TNIK: variants seen among roughly 807,000 people sequenced by gnomAD.
TNIK encodes the protein TRAF2 and NCK interacting kinase.
Under a neutral mutation model 191.3 loss-of-function variants are expected in TNIK, and 49 were observed. The ratio of observed to expected loss-of-function variants is 0.26; its 90% confidence interval spans 0.20 to 0.32. TNIK has a LOEUF of 0.32. Among genes scored for constraint, TNIK ranks in the 10% least tolerant of loss-of-function variants. TNIK has a pLI of 1.00. For missense variants in TNIK, 1,155 were observed against 1,702.3 expected (o/e 0.68, Z 5.66); for synonymous variants, 594 against 600.9 (o/e 0.99, Z 0.17).
chr3:171,174,607 T>C (rs1316118716), intron 9 of TNIK, among the ~76,000 whole-genome samples: 2 of 121,002 alleles, frequency 1.7e-5, no homozygotes, highest in Non-Finnish European at 1.6e-5. Context: ...GTCAGTCATA[T>C]CCTATCAACA....
intron 2 of TNIK, among the ~76,000 whole-genome samples, chr3:171,359,129 G>A (rs751904616): frequency 1.3e-5 from 2 of 152,088 alleles, no homozygotes; most frequent in African/African-American, 2.4e-5. Flanking sequence ...CTGTATGTAC[G>A]TTCTACGATA....
intron 19 of TNIK, among the ~76,000 whole-genome samples, chr3:171,109,379 G>A (rs2108497957): frequency 6.6e-6 from 1 of 152,330 alleles, no homozygotes; most frequent in Non-Finnish European, 1.5e-5. Flanking sequence ...AAGACATACA[G>A]TAGATACTTC....
intron 8 of TNIK, among the ~76,000 whole-genome samples, chr3:171,177,114 T>G (rs1008411987): frequency 6.6e-6 from 1 of 151,850 alleles, no homozygotes. Flanking sequence ...TCTTCCTTTT[T>G]TTTTTTTCTA....
At chr3:171,275,714 G>T (rs1252799869) in intron 2 of TNIK, among the ~76,000 whole-genome samples, 2 of 151,894 alleles carry the variant, frequency 1.3e-5, no homozygotes, top group African/African-American at 4.8e-5. Context: ...GGCTAACATG[G>T]TGAAACCCCG....
chr3:171,126,267 T>A, intron 16 of TNIK, 116 bp from the exon 17 acceptor site: 1 of 1,313,750 alleles, frequency 7.6e-7, no homozygotes, highest in Non-Finnish European at 9.9e-7. Context: ...AATTGGACTA[T>A]AGAGAGTCTA....
chr3:171,116,025 G>C lies in TNIK; in HGVS notation c.2121-5148C>G, dbSNP rs554936560. On this transcript the variant is annotated intron_variant, in intron 18 of 32. Coordinates refer to ENST00000436636, the MANE Select transcript of TNIK (RefSeq NM_015028.4). ...CTCCTCACCAGAGCTAACCAGTGTG[G>C]GTGCTGATCTTAATAGGTTGCTATT... is the stretch of plus-strand genomic sequence containing the variant. Among the ~76,000 whole-genome samples, 3 of 152,292 alleles carry C rather than the reference G, an allele frequency of 2.0e-5. No homozygotes were observed. In the East Asian group the frequency reaches 5.8e-4, roughly 29 times the overall value.
At chr3:171,362,183 T>C (rs903042883) in intron 2 of TNIK, among the ~76,000 whole-genome samples, 4 of 152,216 alleles carry the variant, frequency 2.6e-5, no homozygotes, top group African/African-American at 9.6e-5. Context: ...CTGTTTCCTC[T>C]ATTAACCTAT....
chr3:171,112,653 G>A (rs1560130442), intron 18 of TNIK, among the ~76,000 whole-genome samples: 1 of 151,514 alleles, frequency 6.6e-6, no homozygotes. Flanking sequence ...TTTTTCTTTT[G>A]TATCTATCTA....
intron 18 of TNIK, among the ~76,000 whole-genome samples, chr3:171,116,480 T>C (rs1458468112): frequency 6.6e-6 from 1 of 152,252 alleles, no homozygotes; most frequent in East Asian, 1.9e-4. Flanking sequence ...TTCATTTGAA[T>C]CATAAAAAGT....
At chr3:171,346,682 T>G (rs1712252559) in intron 2 of TNIK, among the ~76,000 whole-genome samples, 1 of 151,850 alleles carries the variant, frequency 6.6e-6, no homozygotes, top group Non-Finnish European at 1.5e-5. Flanking sequence ...AGAACAGTTT[T>G]GTGAGAAAGT....
Position 171,177,278 on chromosome 3 carries a change from C to T in TNIK, c.694+48G>A, listed in dbSNP as rs1560220264. ...GCTCCTGGCAAGGAAACTTCAGTAC[C>T]TGCAGAGCAGACCAGCAACAGATTT... On this transcript the variant is annotated intron_variant, in intron 8 of 32. Transcript: ENST00000436636. 4.4e-6 allele frequency: 7 copies of T among 1,579,382 alleles called. No individual in the cohort carries two copies. The East Asian group carries it at 1.6e-4, about 36-fold the overall frequency.
chr3:171,190,776 G>C lies in TNIK; in HGVS notation c.429C>G (p.His143Gln). ...ICREILRGLS[H>Q]LHQHKVIHRD... Reference sequence around the variant, plus strand: ...GATGAATCACTTTATGCTGGTGCAGGTGACTCAGCCCCTGGAGTGATGGAG... The same window carrying C: ...GATGAATCACTTTATGCTGGTGCAGCTGACTCAGCCCCTGGAGTGATGGAG... The change falls in exon 6 of 33, where the codon CAC becomes CAG. Residue 143 changes from histidine to glutamine, a missense_variant. His to Gln is a conservative substitution (Grantham distance 24). Around this residue, in one of 3 missense-constraint regions of TNIK, gnomAD observed 225 missense variants for 438.9 expected, o/e 0.51. Transcript: ENST00000436636. 2 of 1,592,188 alleles carry C rather than the reference G, an allele frequency of 1.3e-6. No individual in the cohort carries two copies. The highest frequency in any genetic ancestry group is 1.7e-6 in the Non-Finnish European group (2 of 1,168,026).
intron 12 of TNIK, among the ~76,000 whole-genome samples, chr3:171,156,666 G>T (rs1733219765): frequency 6.6e-6 from 1 of 152,224 alleles, no homozygotes; most frequent in South Asian, 2.1e-4. Flanking sequence ...ACCACAAGGT[G>T]AGAGTCTGGC....
At chr3:171,357,162 A>G (rs1469516047) in intron 2 of TNIK, among the ~76,000 whole-genome samples, 1 of 152,210 alleles carries the variant, frequency 6.6e-6, no homozygotes, top group African/African-American at 2.4e-5. Flanking sequence ...CTTATCAGGT[A>G]TCAAACTGCT....
intron 32 of TNIK, 56 bp downstream of exon 32, chr3:171,066,131 G>A: frequency 6.3e-7 from 1 of 1,597,738 alleles, no homozygotes. Flanking sequence ...GGTTTCACAG[G>A]TACCTGGTGG....
At position 171,143,323 on chromosome 3, in the gene TNIK, T is replaced by TA. The variant is rs748033337; in HGVS notation, c.1222-2815dup. On this transcript the variant is annotated intron_variant, in intron 12 of 32. Coordinates refer to ENST00000436636, the MANE Select transcript of TNIK (RefSeq NM_015028.4). ...ATGGAGCCGTATGAGGGAGGGGATA[T>TA]AAAAAAAACATATCAATGCAAGACC... 7.9e-5 allele frequency among the ~76,000 whole-genome samples: 12 copies of TA among 152,064 alleles called. No homozygotes were observed. In the East Asian group the frequency reaches 9.7e-4, roughly 12 times the overall value.
In TNIK at chr3:171,075,958, A is replaced by G. The variant is rs534183569; in HGVS notation, c.3448+3560T>C. ...TCACTATGTTGGCCAGGCTGGTCTC[A>G]AATACCTGACCTCACGATCCACGTG... is the stretch of plus-strand genomic sequence containing the variant. On this transcript the variant is annotated intron_variant, in intron 28 of 32. Coordinates refer to ENST00000436636, the MANE Select transcript of TNIK (RefSeq NM_015028.4). 2.0e-5 allele frequency among the ~76,000 whole-genome samples: 3 copies of G among 152,154 alleles called. No individual in the cohort carries two copies. The East Asian group carries it at 5.8e-4, about 29-fold the overall frequency.
intron 2 of TNIK, among the ~76,000 whole-genome samples, chr3:171,327,441 G>A (rs1430059744): frequency 6.6e-6 from 1 of 152,154 alleles, no homozygotes; most frequent in Non-Finnish European, 1.5e-5. Context: ...CTACCCAATA[G>A]CCTATGGGCT....
intron 2 of TNIK, among the ~76,000 whole-genome samples, chr3:171,353,234 C>A (rs1713484691): frequency 6.6e-6 from 1 of 152,154 alleles, no homozygotes; most frequent in African/African-American, 2.4e-5. Flanking sequence ...GAGCAGTCGA[C>A]CCCACCATGC....
Sources: allele counts gnomAD v4.1 joint callset (sites outside exome capture counted in the v4.1 genomes callset), GRCh38; gene constraint gnomAD v4.1.1; regional missense constraint gnomAD v4.1.1; transcripts MANE v1.5; gene names NCBI Gene and HGNC (gene_info 2026-07-23, HGNC 2026-07-21).